The following LZTS3 variants were observed in gnomAD, a reference collection of about 807,000 sequenced individuals.
LZTS3 encodes leucine zipper tumor suppressor family member 3, also known as leucine zipper putative tumor suppressor 3.
Under a neutral mutation model 50.9 loss-of-function variants are expected in LZTS3, and 16 were observed. That is an observed-to-expected ratio of 0.31 (90% CI 0.21 to 0.48). The LOEUF (loss-of-function observed/expected upper bound fraction) is 0.48. Ranked by LOEUF, LZTS3 falls within the 20% of genes least tolerant of loss-of-function variation. The pLI is 0.99. For missense variants in LZTS3, 816 were observed against 931.0 expected (o/e 0.88, Z 1.61); for synonymous variants, 408 against 410.6 (o/e 0.99, Z 0.08).
chr20:3,167,726 C>T lies in LZTS3; in HGVS notation c.-19+12G>A. ...AAAAATTGAGGGTGGGGGTCCTTCCCAGCCCCCTAACCTAAGTGTTGCAGT... is the reference window on the plus strand; with the variant it reads ...AAAAATTGAGGGTGGGGGTCCTTCCTAGCCCCCTAACCTAAGTGTTGCAGT... On this transcript the variant is annotated intron_variant, in intron 2 of 4. Coordinates refer to ENST00000337576, the MANE Select transcript of LZTS3 (RefSeq NM_001365618.1). 1.0e-6 allele frequency: 1 copy of T among 985,818 alleles called. No homozygotes were observed. The highest frequency in any genetic ancestry group is 1.2e-6 in the Non-Finnish European group (1 of 830,304). 61.1% of individuals were successfully genotyped at this position (985,818 alleles called of 1,614,324 possible).
chr20:3,170,486 CAAAAA>C (rs397955055), intron 1 of LZTS3, among the ~76,000 whole-genome samples: 2 of 72,578 alleles, frequency 2.8e-5, no homozygotes, highest in East Asian at 4.0e-4. Flanking sequence ...GAGACTACAT[CAAAAA>C]AAAAAAAAAA....
rs1334379223 is a variant in LZTS3 at position 3,165,690 on chromosome 20, T to G, written c.1130A>C (p.Gln377Pro). The change falls in exon 4 of 5, where the codon CAG becomes CCG. Residue 377 changes from glutamine to proline, a missense_variant. Gln to Pro is a moderately conservative substitution (Grantham distance 76). This residue lies in a region of LZTS3 where 700 missense variants were observed against 769.4 expected (regional missense o/e 0.91). Transcript: ENST00000337576. This position sits in a 1 kb window ranked among gnomAD's most constrained non-coding sequence, Gnocchi z 5.0. ...GGCGCGCTGGGCACGTCGGGCCACC[T>G]GCTGTAGCTTCCCGCTGCAGCCCTG... ...LRQGCSGKLQ[Q>P]VARRAQRAQQ... is the part of the protein sequence containing the mutation. 1 of 1,577,872 alleles carries G rather than the reference T, an allele frequency of 6.3e-7. No homozygotes were observed. Among genetic ancestry groups the G allele is most frequent in the East Asian group, 2.3e-5 (1 of 43,516 alleles).
intron 2 of LZTS3, 33 bp from the exon 3 acceptor site, chr20:3,167,214 A>G (rs1342143279): frequency 1.4e-6 from 2 of 1,434,514 alleles, no homozygotes; most frequent in Non-Finnish European, 1.8e-6. Flanking sequence ...AGAGATAGGT[A>G]AGACCCTACT....
intron 1 of LZTS3, among the ~76,000 whole-genome samples, chr20:3,171,657 C>A (rs2122204808): frequency 7.0e-6 from 1 of 142,802 alleles, no homozygotes; most frequent in South Asian, 2.3e-4. Flanking sequence ...AGTGAGATAC[C>A]CCCTCAAAAA....
At chr20:3,170,496 A>AACAAAAC (rs2066890277) in intron 1 of LZTS3, among the ~76,000 whole-genome samples, 17 of 149,688 alleles carry the variant, frequency 1.1e-4, no homozygotes, top group Admixed American at 1.1e-3. Flanking sequence ...CAAAAAAAAA[A>AACAAAAC]AAAAAAAAAA....
At position 3,165,398 on chromosome 20, in the gene LZTS3, C is replaced by CT. The variant is rs1364614073; in HGVS notation, c.1323+98_1323+99insA. 8.1e-7 allele frequency: 1 copy of CT among 1,236,024 alleles called. No individual in the cohort carries two copies. Among genetic ancestry groups the CT allele is most frequent in the Non-Finnish European group, 1.1e-6 (1 of 918,650 alleles). 76.6% of individuals were successfully genotyped at this position (1,236,024 alleles called of 1,614,324 possible). A position where few individuals can be genotyped will look rare whatever the true frequency, so the allele number is the denominator to read the frequency against. On this transcript the variant is annotated intron_variant, in intron 4 of 4. Coordinates refer to ENST00000337576, the MANE Select transcript of LZTS3 (RefSeq NM_001365618.1). The surrounding 1 kb of genome is among the most constrained non-coding windows in gnomAD (Gnocchi z 5.0). ...GTCCCCCCTGCTCCTTTCATCCCCC[C>CT]CCCCATCCCACCGTTATGATAGTGA...
rs2066760024 is a variant in LZTS3, at chr20:3,163,475, G to A, written c.*979C>T. 6.5e-6 allele frequency: 1 copy of A among 152,792 alleles called. No individual in the cohort carries two copies. 9.5% of individuals were successfully genotyped at this position (152,792 alleles called of 1,614,324 possible). On this transcript the variant is annotated 3_prime_UTR_variant, in exon 5 of 5. Coordinates refer to ENST00000337576, the MANE Select transcript of LZTS3 (RefSeq NM_001365618.1). The surrounding 1 kb of genome is among the most constrained non-coding windows in gnomAD (Gnocchi z 5.2). ...CTATTGGAAGAAAAGGTGAGACTTT[G>A]GGGAAGAGACTGCCTAGGAAGATGA...
Position 3,164,080 on chromosome 20 carries a change from A to G in LZTS3, c.*374T>C, listed in dbSNP as rs2066767795. 2 of 196,138 alleles carry G rather than the reference A, an allele frequency of 1.0e-5. No homozygotes were observed. Among genetic ancestry groups the G allele is most frequent in the African/African-American group, 2.3e-5 (1 of 42,984 alleles). The allele number at this position is 196,138 out of a possible 1,614,324, so 12.1% of individuals were successfully genotyped here. The stretch of plus-strand genomic sequence containing the variant: ...GAGCACAGAGAGCATCACTAGACAC[A>G]GGGTGGCCAACAGTAGCAGCCCAGG... On this transcript the variant is annotated 3_prime_UTR_variant, in exon 5 of 5. Transcript: ENST00000337576.
intron 1 of LZTS3, among the ~76,000 whole-genome samples, chr20:3,172,570 C>T (rs1002907794): frequency 6.6e-6 from 1 of 152,162 alleles, no homozygotes; most frequent in Non-Finnish European, 1.5e-5. Context: ...TCTCCACCCC[C>T]CAGAGGGGGC....
intron 1 of LZTS3, among the ~76,000 whole-genome samples, chr20:3,170,214 A>T (rs909793345): frequency 1.2e-4 from 19 of 152,074 alleles, no homozygotes; most frequent in African/African-American, 3.4e-4. Context: ...CAAGTGCCGG[A>T]TGCGGTGGCT....
At position 3,165,397 on chromosome 20, in the gene LZTS3, C is replaced by CGCCCCCCCCA; in HGVS notation, c.1323+99_1323+100insTGGGGGGGGC. ...TGTCCCCCCTGCTCCTTTCATCCCCCCCCCCATCCCACCGTTATGATAGTG... is the reference window on the plus strand; with the variant it reads ...TGTCCCCCCTGCTCCTTTCATCCCCCGCCCCCCCCACCCCCATCCCACCGTTATGATAGTG... On this transcript the variant is annotated intron_variant, in intron 4 of 4. Coordinates refer to ENST00000337576, the MANE Select transcript of LZTS3 (RefSeq NM_001365618.1). This position sits in a 1 kb window ranked among gnomAD's most constrained non-coding sequence, Gnocchi z 5.0. 8.5e-7 allele frequency: 1 copy of CGCCCCCCCCA among 1,173,844 alleles called. No homozygotes were observed. The highest frequency in any genetic ancestry group is 1.2e-6 in the Non-Finnish European group (1 of 865,788). The allele number at this position is 1,173,844 out of a possible 1,614,324, so 72.7% of individuals were successfully genotyped here. A position where few individuals can be genotyped will look rare whatever the true frequency, so the allele number is the denominator to read the frequency against.
rs1014011287 is a variant in LZTS3, at chr20:3,163,242, A to T, written c.*1212T>A. 1 of 152,666 alleles carries T rather than the reference A, an allele frequency of 6.6e-6. No homozygotes were observed. The highest frequency in any genetic ancestry group is 2.4e-5 in the African/African-American group (1 of 41,450). 9.5% of individuals were successfully genotyped at this position (152,666 alleles called of 1,614,324 possible). A position where few individuals can be genotyped will look rare whatever the true frequency, so the allele number is the denominator to read the frequency against. Reference sequence around the variant, plus strand: ...GAGAGGGCCCCAAGAGAAGCAGCTGACATTGGCTGACCTAACCCCTCATGC... The same window carrying T: ...GAGAGGGCCCCAAGAGAAGCAGCTGTCATTGGCTGACCTAACCCCTCATGC... On this transcript the variant is annotated 3_prime_UTR_variant, in exon 5 of 5. Transcript: ENST00000337576. The surrounding 1 kb of genome is among the most constrained non-coding windows in gnomAD (Gnocchi z 5.2).
chr20:3,168,639 G>A (rs1165623388), intron 1 of LZTS3: 4 of 152,248 alleles, frequency 2.6e-5, no homozygotes, highest in East Asian at 1.9e-4. Flanking sequence ...GTTCGCACCT[G>A]GGAACACCTG....
In LZTS3 at chr20:3,164,919, C is replaced by T. The variant is rs1017628801; in HGVS notation, c.1557G>A (p.Pro519=). The stretch of plus-strand genomic sequence containing the variant: ...CGGCCGGGTCCACGGGGGTCAGCGC[C>T]GGCTTGAGGCAGGCGGCAGGCAGCT... ...EGELPAACLK[P]ALTPVDPAEP... The change falls in exon 5 of 5, where the codon CCG becomes CCA. Residue 519 remains proline, a synonymous_variant. Coordinates refer to ENST00000337576, the MANE Select transcript of LZTS3 (RefSeq NM_001365618.1). 1.0e-5 allele frequency: 16 copies of T among 1,548,036 alleles called. No individual in the cohort carries two copies. Among genetic ancestry groups the T allele is most frequent in the Non-Finnish European group, 1.4e-5 (16 of 1,153,062 alleles).
chr20:3,165,747 T>C lies in LZTS3; in HGVS notation c.1073A>G (p.Lys358Arg). The change falls in exon 4 of 5, where the codon AAG becomes AGG. Residue 358 changes from lysine (K) to arginine (R), a missense_variant. Physicochemically the swap from Lys to Arg is conservative, Grantham distance 26 (BLOSUM62 2). Around this residue, in one of 3 missense-constraint regions of LZTS3, gnomAD observed 700 missense variants for 769.4 expected, o/e 0.91. Coordinates refer to ENST00000337576, the MANE Select transcript of LZTS3 (RefSeq NM_001365618.1). This position sits in a 1 kb window ranked among gnomAD's most constrained non-coding sequence, Gnocchi z 5.0. ...AVAQVLEERQ[K>R]AWERELAELR... ...CTCGGCCAGCTCCCGCTCCCACGCCTTCTGCCGCTCCTCCAGTACCTGGGC... is the reference window on the plus strand; with the variant it reads ...CTCGGCCAGCTCCCGCTCCCACGCCCTCTGCCGCTCCTCCAGTACCTGGGC... 5.1e-6 allele frequency: 8 copies of C among 1,576,454 alleles called. No homozygotes were observed. The highest frequency in any genetic ancestry group is 6.8e-6 in the Non-Finnish European group (8 of 1,168,672).
intron 1 of LZTS3, among the ~76,000 whole-genome samples, chr20:3,169,021 C>T (rs1281950894): frequency 6.6e-6 from 1 of 152,226 alleles, no homozygotes; most frequent in Non-Finnish European, 1.5e-5. Flanking sequence ...GAATTCCATT[C>T]TCAGCATCTG....
At position 3,166,563 on chromosome 20, in the gene LZTS3, G is replaced by A. The variant is rs2066824545; in HGVS notation, c.459+142C>T. ...ATCTACCCGCTAGACTTGGCCCCAG[G>A]TCCCCAGTCCATGACTCCCCAGCCC... On this transcript the variant is annotated intron_variant, in intron 3 of 4. Coordinates refer to ENST00000337576, the MANE Select transcript of LZTS3 (RefSeq NM_001365618.1). 6 of 1,202,190 alleles carry A rather than the reference G, an allele frequency of 5.0e-6. No individual in the cohort carries two copies. In the South Asian group the frequency reaches 7.6e-5, roughly 15 times the overall value. 74.5% of individuals were successfully genotyped at this position (1,202,190 alleles called of 1,614,324 possible). A position where few individuals can be genotyped will look rare whatever the true frequency, so the allele number is the denominator to read the frequency against.
In LZTS3 at chr20:3,163,789, C is replaced by G. The variant is rs2326082; in HGVS notation, c.*665G>C. On this transcript the variant is annotated 3_prime_UTR_variant, in exon 5 of 5. Coordinates refer to ENST00000337576, the MANE Select transcript of LZTS3 (RefSeq NM_001365618.1). The surrounding 1 kb of genome is among the most constrained non-coding windows in gnomAD (Gnocchi z 5.2). ...CTTCCCTGGGTGCTGGACTTCCAGCCCCAGTCCTCCCCTCCCGCAACACAC... is the reference window on the plus strand; with the variant it reads ...CTTCCCTGGGTGCTGGACTTCCAGCGCCAGTCCTCCCCTCCCGCAACACAC... 6,342 of 152,500 alleles carry G rather than the reference C, an allele frequency of 0.042. 519 individuals are homozygous for G. The highest frequency in any genetic ancestry group is 0.39 in the East Asian group (2,025 of 5,148). 9.4% of individuals were successfully genotyped at this position (152,500 alleles called of 1,614,324 possible). A position where few individuals can be genotyped will look rare whatever the true frequency, so the allele number is the denominator to read the frequency against.
chr20:3,173,056 GA>G (rs1375377334), intron 1 of LZTS3, among the ~76,000 whole-genome samples: 3 of 151,838 alleles, frequency 2.0e-5, no homozygotes, highest in African/African-American at 2.4e-5. Context: ...CTGGGGGTGG[GA>G]GGGGGGGTCG....
Sources: allele counts gnomAD v4.1 joint callset (sites outside exome capture counted in the v4.1 genomes callset), GRCh38; gene constraint gnomAD v4.1.1; regional missense constraint gnomAD v4.1.1; non-coding constraint Gnocchi (gnomAD v3.1); transcripts MANE v1.5; gene names NCBI Gene and HGNC (gene_info 2026-07-23, HGNC 2026-07-21).